COL24A1: variants seen among roughly 807,000 people sequenced by gnomAD.
COL24A1 encodes the protein collagen type XXIV alpha 1 chain.
Under a neutral mutation model 253.9 loss-of-function variants are expected in COL24A1, and 224 were observed. The observed-to-expected ratio is 0.88, with a 90% CI of 0.79 to 0.99. COL24A1 has a LOEUF of 0.99. Among genes scored for constraint, COL24A1 ranks in the 50% least tolerant of loss-of-function variants. COL24A1 has a pLI of 0.00. For missense variants in COL24A1, 2,131 were observed against 2,068.5 expected, an observed-to-expected ratio of 1.03 and a Z score of -0.59; for synonymous variants, 685 against 673.7, an observed-to-expected ratio of 1.02 and a Z score of -0.26.
chr1:86,046,427 A>G (rs906790096), intron 12 of COL24A1, among the ~76,000 whole-genome samples: 2 of 152,122 alleles, frequency 1.3e-5, no homozygotes, highest in African/African-American at 2.4e-5. Flanking sequence ...TAATCTCTGA[A>G]TTAACAGCTG....
In COL24A1 at chr1:85,876,327, G is replaced by A. The variant is rs190819650; in HGVS notation, c.3030+795C>T. On this transcript the variant is annotated intron_variant, in intron 33 of 59. Transcript: ENST00000370571. The stretch of plus-strand genomic sequence containing the variant: ...TTAGGTAGAAGAAGGAGTCTAGGAT[G>A]ACTCTTAGTTTTGGGTTATTGGGTA... 1.5e-3 allele frequency among the ~76,000 whole-genome samples: 227 copies of A among 152,238 alleles called. 1 individual carries two copies. Among genetic ancestry groups the A allele is most frequent in the Non-Finnish European group, 9.4e-4 (64 of 68,018 alleles).
intron 28 of COL24A1, among the ~76,000 whole-genome samples, chr1:85,901,402 T>C (rs1684277714): frequency 6.6e-6 from 1 of 152,026 alleles, no homozygotes; most frequent in Non-Finnish European, 1.5e-5. Context: ...CAAAAATCAA[T>C]AGCTATTGGC....
At chr1:85,886,651 C>A (rs1020002744) in intron 32 of COL24A1, among the ~76,000 whole-genome samples, 11 of 151,250 alleles carry the variant, frequency 7.3e-5, no homozygotes, top group Non-Finnish European at 1.6e-4. Context: ...GGCGACAGAG[C>A]GAGACTCTGT....
At chr1:86,045,108 A>G (rs1038115025) in intron 12 of COL24A1, among the ~76,000 whole-genome samples, 41 of 151,570 alleles carry the variant, frequency 2.7e-4, no homozygotes, top group Admixed American at 1.2e-3. Flanking sequence ...TCCTGCCTCA[A>G]CCTCCTGAGT....
intron 3 of COL24A1, among the ~76,000 whole-genome samples, chr1:86,124,450 C>G (rs1507265): frequency 6.6e-6 from 1 of 152,114 alleles, no homozygotes; most frequent in East Asian, 1.9e-4. Context: ...TTTTCTTTAA[C>G]CTACCATATC....
At chr1:85,939,857 A>G (rs1388095546) in intron 24 of COL24A1, among the ~76,000 whole-genome samples, 1 of 152,160 alleles carries the variant, frequency 6.6e-6, no homozygotes, top group Non-Finnish European at 1.5e-5. Context: ...ACTGAATCAT[A>G]TCTGTTACTG....
intron 37 of COL24A1, among the ~76,000 whole-genome samples, chr1:85,868,189 C>T (rs1208112703): frequency 4.6e-5 from 7 of 152,128 alleles, no homozygotes; most frequent in Non-Finnish European, 8.8e-5. Flanking sequence ...CATCCTGGAG[C>T]TGCGATATTA....
chr1:85,972,500 T>G (rs925749593), intron 20 of COL24A1, among the ~76,000 whole-genome samples: 2 of 152,238 alleles, frequency 1.3e-5, no homozygotes, highest in Non-Finnish European at 2.9e-5. Context: ...TTAATGAAGC[T>G]TTCTTATTTT....
chr1:85,951,554 TA>T (rs1443277033), intron 24 of COL24A1, among the ~76,000 whole-genome samples: 6 of 152,160 alleles, frequency 3.9e-5, no homozygotes. Context: ...AGTGTAGGAA[TA>T]ACAACTGTAA....
At chr1:85,903,840 C>T (rs1684553690) in intron 28 of COL24A1, among the ~76,000 whole-genome samples, 1 of 152,124 alleles carries the variant, frequency 6.6e-6, no homozygotes, top group Non-Finnish European at 1.5e-5. Flanking sequence ...TTGATTTACA[C>T]AGCTGAAACA....
chr1:86,068,837 C>T (rs1701669787), intron 7 of COL24A1, among the ~76,000 whole-genome samples: 1 of 152,058 alleles, frequency 6.6e-6, no homozygotes, highest in Admixed American at 6.6e-5. Flanking sequence ...ATTTGAGGCC[C>T]TAGCTCTGGG....
chr1:85,952,921 G>T (rs923017246), intron 24 of COL24A1, among the ~76,000 whole-genome samples: 5 of 152,076 alleles, frequency 3.3e-5, no homozygotes, highest in African/African-American at 1.2e-4. Flanking sequence ...GAACCACAAT[G>T]ATTTTTCACT....
At chr1:85,996,784 T>C (rs569052044) in intron 19 of COL24A1, among the ~76,000 whole-genome samples, 47 of 152,194 alleles carry the variant, frequency 3.1e-4, no homozygotes, top group African/African-American at 1.1e-3. Flanking sequence ...TCATAGAATG[T>C]ATATTCTGGA....
In COL24A1 at chr1:85,863,993, C is replaced by T. The variant is rs146251345; in HGVS notation, c.3300+4526G>A. 3.5e-4 allele frequency among the ~76,000 whole-genome samples: 53 copies of T among 152,228 alleles called. No homozygotes were observed. The East Asian group carries it at 8.3e-3, about 24-fold the overall frequency. On this transcript the variant is annotated intron_variant, in intron 37 of 59. Coordinates refer to ENST00000370571, the MANE Select transcript of COL24A1 (RefSeq NM_152890.7). ...TCAACAATTGTGGAAATCAGTGTGG[C>T]GATTCCTCAAGGATCTAGAACTAGA... is the stretch of plus-strand genomic sequence containing the variant.
intron 43 of COL24A1, among the ~76,000 whole-genome samples, chr1:85,829,303 G>A (rs1350723805): frequency 6.6e-6 from 1 of 151,938 alleles, no homozygotes; most frequent in Non-Finnish European, 1.5e-5. Flanking sequence ...CTCTTAGTCT[G>A]ATGGGCTTTC....
At chr1:85,745,764 T>C (rs1665146649) in intron 55 of COL24A1, among the ~76,000 whole-genome samples, 1 of 152,184 alleles carries the variant, frequency 6.6e-6, no homozygotes, top group East Asian at 1.9e-4. Flanking sequence ...GATGAAAAAC[T>C]ATTTGTTTCT....
chr1:86,004,395 G>A (rs569734217), intron 19 of COL24A1, among the ~76,000 whole-genome samples: 26 of 152,176 alleles, frequency 1.7e-4, no homozygotes, highest in African/African-American at 6.0e-4. Flanking sequence ...TTGAAGGAGG[G>A]GCAAGGAGTA....
chr1:85,819,515 G>C (rs1294056592), intron 45 of COL24A1, among the ~76,000 whole-genome samples: 2 of 151,824 alleles, frequency 1.3e-5, no homozygotes, highest in African/African-American at 4.8e-5. Context: ...ACTCATGGTG[G>C]GGGTAACAGT....
rs1490160847 is a variant in COL24A1, at chr1:86,125,776, C to T, written c.560G>A (p.Ser187Asn). 6.2e-7 allele frequency: 1 copy of T among 1,612,584 alleles called. No homozygotes were observed. The highest frequency in any genetic ancestry group is 8.5e-7 in the Non-Finnish European group (1 of 1,179,484). The stretch of plus-strand genomic sequence containing the variant: ...CTGAACTTCTGGAATAGTCTCTGTG[C>T]TAAAATATTTCTTTCCACACTCAAC... ...MFVECGKKYF[S>N]TETIPEVQTF... The change falls in exon 3 of 60, where the codon AGC becomes AAC. Residue 187 changes from serine to asparagine, a missense_variant. Physicochemically the swap from Ser to Asn is conservative, Grantham distance 46. Coordinates refer to ENST00000370571, the MANE Select transcript of COL24A1 (RefSeq NM_152890.7).
Sources: gnomAD v4.1 joint callset for allele counts (sites outside exome capture counted in the v4.1 genomes callset) on GRCh38, gnomAD v4.1.1 for gene constraint, MANE v1.5 for transcripts, NCBI Gene and HGNC (gene_info 2026-07-23, HGNC 2026-07-21) for gene names.